The following MCF2L2 variants were observed in gnomAD, a reference collection of about 807,000 sequenced individuals.
MCF2L2 encodes probable guanine nucleotide exchange factor MCF2L2.
A neutral mutation model predicts 150.2 loss-of-function variants in MCF2L2; 102 were observed. The ratio of observed to expected loss-of-function variants is 0.68; its 90% CI spans 0.58 to 0.80. The LOEUF (loss-of-function observed/expected upper bound fraction) is 0.80, where lower values mean the gene tolerates loss of function less well. MCF2L2 is among the 30% of genes least tolerant of loss of function. The probability of loss-of-function intolerance (pLI) is 0.00; values close to 1 mark genes in which losing one functional copy is unlikely to be tolerated. For missense variants in MCF2L2, 1,256 were observed against 1,372.8 expected, an observed-to-expected ratio of 0.91 and a Z score of 1.34; for synonymous variants, 465 against 491.3, an observed-to-expected ratio of 0.95 and a Z score of 0.71.
chr3:183,338,740 C>G, intron 5 of MCF2L2, 60 bp downstream of exon 5: 6 of 1,522,574 alleles, frequency 3.9e-6, no homozygotes, highest in Non-Finnish European at 5.3e-6. Flanking sequence ...AAACCCTGCC[C>G]AAATGCCATC....
intron 15 of MCF2L2, 138 bp from the exon 16 acceptor site, chr3:183,231,155 C>A: frequency 1.4e-6 from 1 of 719,984 alleles, no homozygotes; most frequent in Non-Finnish European, 2.5e-6. Context: ...CTGGTCAGTT[C>A]ATTCTGTTCT....
At chr3:183,279,164 CACACACACACAT>C (rs1263310809) in intron 14 of MCF2L2, among the ~76,000 whole-genome samples, 1 of 152,136 alleles carries the variant, frequency 6.6e-6, no homozygotes, top group Admixed American at 6.5e-5. Context: ...ATAACACACA[CACACACACACAT>C]ACACACACAC....
Position 183,179,605 on chromosome 3 carries a change from C to T in MCF2L2, c.3193G>A (p.Glu1065Lys), listed in dbSNP as rs775660434. 1.2e-6 allele frequency: 2 copies of T among 1,614,168 alleles called. No homozygotes were observed. The highest frequency in any genetic ancestry group is 2.2e-5 in the East Asian group (1 of 44,882). ...FLERGESSQG[E>K]KEERDEEETA... ...TCCTCCTCATCGCGTTCTTCTTTTTCTCCCTGGCTGCTTTCTCCCCTCTCC... is the reference window on the plus strand; with the variant it reads ...TCCTCCTCATCGCGTTCTTCTTTTTTTCCCTGGCTGCTTTCTCCCCTCTCC... Residue 1065 changes from glutamate (E) to lysine (K), a missense_variant, in exon 29 of 30, where the codon GAA becomes AAA. Coordinates refer to ENST00000328913, the MANE Select transcript of MCF2L2 (RefSeq NM_015078.4). The surrounding 1 kb of genome is among the most constrained non-coding windows in gnomAD (Gnocchi z 4.2).
chr3:183,324,274 G>C (rs1729937576), intron 5 of MCF2L2, among the ~76,000 whole-genome samples: 1 of 152,164 alleles, frequency 6.6e-6, no homozygotes, highest in Admixed American at 6.6e-5. Flanking sequence ...ACATCCAGAG[G>C]AAGCTGACGC....
intron 25 of MCF2L2, among the ~76,000 whole-genome samples, chr3:183,199,622 T>A (rs1185773746): frequency 8.2e-6 from 1 of 122,448 alleles, no homozygotes; most frequent in Non-Finnish European, 1.6e-5. Flanking sequence ...TTTTTTTTCC[T>A]TTTTTTTTTT....
intron 5 of MCF2L2, among the ~76,000 whole-genome samples, chr3:183,326,492 C>CAAAAAAAAAAAAAAA (rs890481068): frequency 1.0e-4 from 4 of 39,420 alleles, no homozygotes; most frequent in Admixed American, 3.7e-4. Context: ...AACTCCGTCT[C>CAAAAAAAAAAAAAAA]AAAAAAAAAA....
At chr3:183,255,569 T>G (rs1724968029) in intron 15 of MCF2L2, among the ~76,000 whole-genome samples, 1 of 152,290 alleles carries the variant, frequency 6.6e-6, no homozygotes, top group Non-Finnish European at 1.5e-5. Context: ...AGAACCAGTG[T>G]TATCACAGGA....
intron 6 of MCF2L2, among the ~76,000 whole-genome samples, chr3:183,318,645 A>G (rs950912877): frequency 2.0e-5 from 3 of 152,208 alleles, no homozygotes; most frequent in African/African-American, 7.2e-5. Context: ...CTAGTTATAT[A>G]TACAGGCAAA....
chr3:183,290,678 C>T (rs1468689107), intron 13 of MCF2L2, among the ~76,000 whole-genome samples: 4 of 152,068 alleles, frequency 2.6e-5, no homozygotes, highest in Admixed American at 6.6e-5. Flanking sequence ...GGACTACAGG[C>T]GCGCACCACC....
intron 25 of MCF2L2, among the ~76,000 whole-genome samples, chr3:183,204,130 C>T (rs1331189159): frequency 1.3e-5 from 2 of 152,126 alleles, no homozygotes; most frequent in African/African-American, 4.8e-5. Context: ...CGGAATGAGT[C>T]AAAGGCTTAA....
At chr3:183,272,995 C>A in intron 15 of MCF2L2, 1 of 1,478,428 alleles carries the variant, frequency 6.8e-7, no homozygotes, top group South Asian at 1.4e-5. Context: ...AAGGCACTTC[C>A]TTTTTTTCTA....
intron 2 of MCF2L2, among the ~76,000 whole-genome samples, chr3:183,383,304 G>A (rs542925175): frequency 7.2e-5 from 11 of 151,824 alleles, no homozygotes; most frequent in Non-Finnish European, 1.5e-4. Context: ...GCACGATCTC[G>A]GCTCACCACA....
intron 5 of MCF2L2, among the ~76,000 whole-genome samples, chr3:183,328,000 G>C (rs1730120672): frequency 6.6e-6 from 1 of 152,092 alleles, no homozygotes; most frequent in Non-Finnish European, 1.5e-5. Context: ...GGATGGAGCT[G>C]GTGTCCAGAA....
Position 183,223,261 on chromosome 3 carries a change from C to T in MCF2L2, c.2301+85G>A, listed in dbSNP as rs1157449543. 6.1e-6 allele frequency: 6 copies of T among 989,272 alleles called. No homozygotes were observed. In the African/African-American group the frequency reaches 6.5e-5, roughly 11 times the overall value. 61.3% of individuals were successfully genotyped at this position (989,272 alleles called of 1,614,324 possible). A position where few individuals can be genotyped will look rare whatever the true frequency, so the allele number is the denominator to read the frequency against. ...TCTTCAGCCTTAGAAGACCAAGGCA[C>T]AGCTCTACATGTGTAACGACATGGG... On this transcript the variant is annotated intron_variant, in intron 20 of 29. Transcript: ENST00000328913.
chr3:183,204,055 A>G (rs959556506), intron 25 of MCF2L2, among the ~76,000 whole-genome samples: 25 of 152,240 alleles, frequency 1.6e-4, no homozygotes, highest in Non-Finnish European at 1.3e-4. Flanking sequence ...TTCTAGGACA[A>G]TGGATATCCA....
At chr3:183,275,543 G>A (rs1727112597) in intron 15 of MCF2L2, among the ~76,000 whole-genome samples, 1 of 152,188 alleles carries the variant, frequency 6.6e-6, no homozygotes, top group African/African-American at 2.4e-5. Flanking sequence ...CTTTAGTTGA[G>A]TGCTGTAACT....
intron 18 of MCF2L2, 198 bp downstream of exon 18, chr3:183,228,099 G>T: frequency 1.8e-6 from 1 of 547,794 alleles, no homozygotes; most frequent in Admixed American, 3.1e-5. Flanking sequence ...TTCACAGGGT[G>T]TAAGTATATC....
At chr3:183,221,546 C>T (rs1011314282) in intron 20 of MCF2L2, among the ~76,000 whole-genome samples, 7 of 152,160 alleles carry the variant, frequency 4.6e-5, no homozygotes, top group African/African-American at 9.7e-5. Context: ...CCGAACCTAG[C>T]TCCTATGTAA....
intron 5 of MCF2L2, among the ~76,000 whole-genome samples, chr3:183,335,145 CAAAG>C (rs1730424460): frequency 6.7e-6 from 1 of 150,208 alleles, no homozygotes; most frequent in Admixed American, 6.6e-5. Context: ...AGAAAAAAGA[CAAAG>C]AAAGGCTATG....
Sources: allele counts gnomAD v4.1 joint callset (sites outside exome capture counted in the v4.1 genomes callset), GRCh38; gene constraint gnomAD v4.1.1; non-coding constraint Gnocchi (gnomAD v3.1); transcripts MANE v1.5; gene names NCBI Gene and HGNC (gene_info 2026-07-23, HGNC 2026-07-21).